Variants in TTC28 observed in about 807,000 individuals in gnomAD.
TTC28 encodes the protein tetratricopeptide repeat domain 28.
Under a neutral mutation model 198.0 loss-of-function variants are expected in TTC28, and 61 were observed. The ratio of observed to expected loss-of-function variants is 0.31; its 90% CI spans 0.25 to 0.38. TTC28 has a LOEUF of 0.38. TTC28 is among the 10% of genes least tolerant of loss of function. The pLI is 1.00. For synonymous variants in TTC28, 1,171 were observed against 1,297.8 expected (o/e 0.90, Z 2.10); for missense variants, 2,678 against 3,164.0 (o/e 0.85, Z 3.69).
chr22:28,559,259 A>G (rs1352164077), intron 2 of TTC28, among the ~76,000 whole-genome samples: 1 of 152,192 alleles, frequency 6.6e-6, no homozygotes, highest in African/African-American at 2.4e-5. Flanking sequence ...GTCAGTTAAA[A>G]TGTCATTAGT....
intron 2 of TTC28, among the ~76,000 whole-genome samples, chr22:28,565,886 A>C (rs1202990212): frequency 1.3e-5 from 2 of 152,196 alleles, no homozygotes; most frequent in African/African-American, 4.8e-5. Context: ...CTATGAAATA[A>C]AGGACCTTCC....
At chr22:28,399,314 A>G (rs1277371329) in intron 2 of TTC28, among the ~76,000 whole-genome samples, 1 of 123,118 alleles carries the variant, frequency 8.1e-6, no homozygotes, top group Admixed American at 8.6e-5. Flanking sequence ...TGAGACTAAA[A>G]CTGTTTTTTT....
chr22:28,478,310 C>A lies in TTC28; in HGVS notation c.381+151242G>T, dbSNP rs1191740082. ...ATCACCTGAGGTCAGGTGATCAAGA[C>A]CAGCCTGGCCAACACGGCGAAACCC... On this transcript the variant is annotated intron_variant, in intron 2 of 22. Transcript: ENST00000397906. 3.3e-5 allele frequency among the ~76,000 whole-genome samples: 5 copies of A among 152,216 alleles called. No homozygotes were observed. The East Asian group carries it at 9.7e-4, about 29-fold the overall frequency.
chr22:28,310,699 T>C (rs2045240642), intron 2 of TTC28, among the ~76,000 whole-genome samples: 1 of 152,198 alleles, frequency 6.6e-6, no homozygotes, highest in African/African-American at 2.4e-5. Flanking sequence ...TACTCATATG[T>C]ACAATGCATA....
intron 12 of TTC28, among the ~76,000 whole-genome samples, chr22:28,041,768 A>T (rs1369014156): frequency 6.6e-6 from 1 of 152,330 alleles, no homozygotes; most frequent in Middle Eastern, 3.4e-3. Flanking sequence ...CTGCACAGCA[A>T]AAGAAACTAT....
At chr22:28,462,591 A>C (rs1031589851) in intron 2 of TTC28, among the ~76,000 whole-genome samples, 2 of 152,174 alleles carry the variant, frequency 1.3e-5, no homozygotes, top group African/African-American at 4.8e-5. Context: ...AATGACAACA[A>C]CTGCAACCTA....
intron 2 of TTC28, among the ~76,000 whole-genome samples, chr22:28,565,010 T>C (rs562621255): frequency 5.3e-5 from 8 of 151,568 alleles, no homozygotes; most frequent in African/African-American, 1.2e-4. Context: ...GGAAGGGAAG[T>C]TGACCAATAG....
chr22:28,167,855 C>A (rs1212037047), intron 5 of TTC28, among the ~76,000 whole-genome samples: 3 of 152,122 alleles, frequency 2.0e-5, no homozygotes, highest in African/African-American at 7.2e-5. Context: ...AAAGGGTATT[C>A]AATTAGGAAA....
intron 2 of TTC28, among the ~76,000 whole-genome samples, chr22:28,562,529 C>T (rs560059494): frequency 6.6e-6 from 1 of 152,126 alleles, no homozygotes; most frequent in African/African-American, 2.4e-5. Context: ...AGAAGTGAAA[C>T]TAACACACAA....
intron 5 of TTC28, among the ~76,000 whole-genome samples, chr22:28,176,252 C>T (rs1168310466): frequency 6.6e-6 from 1 of 152,208 alleles, no homozygotes; most frequent in Non-Finnish European, 1.5e-5. Flanking sequence ...AAAATCCTGT[C>T]ATTTGTGACA....
At chr22:28,341,689 T>C (rs1413578856) in intron 2 of TTC28, among the ~76,000 whole-genome samples, 4 of 151,078 alleles carry the variant, frequency 2.6e-5, no homozygotes, top group Admixed American at 6.6e-5. Flanking sequence ...ACTCGGGAGG[T>C]TGAGGCAGGA....
In TTC28 at chr22:28,428,863, A is replaced by G. The variant is rs1019314751; in HGVS notation, c.382-122220T>C. On this transcript the variant is annotated intron_variant, in intron 2 of 22. Transcript: ENST00000397906. ...CACCATGATAGCCAGGATGGTCTCGATCTCCTGACCTCGTGATCTGCCCGC... is the reference window on the plus strand; with the variant it reads ...CACCATGATAGCCAGGATGGTCTCGGTCTCCTGACCTCGTGATCTGCCCGC... 2.8e-4 allele frequency among the ~76,000 whole-genome samples: 42 copies of G among 151,968 alleles called. 2 individuals are homozygous for G. The highest frequency in any genetic ancestry group is 9.6e-4 in the African/African-American group (40 of 41,478).
At chr22:28,090,177 A>G (rs958638101) in intron 12 of TTC28, among the ~76,000 whole-genome samples, 1 of 152,122 alleles carries the variant, frequency 6.6e-6, no homozygotes, top group Non-Finnish European at 1.5e-5. Context: ...AAGGAAAAGT[A>G]AAAAGAATAA....
chr22:28,300,891 C>CTTT (rs2045007787), intron 3 of TTC28, among the ~76,000 whole-genome samples: 1 of 152,128 alleles, frequency 6.6e-6, no homozygotes, highest in Admixed American at 6.6e-5. Context: ...AAACACTGAG[C>CTTT]TAAATACATA....
chr22:28,547,192 G>A (rs558060402), intron 2 of TTC28, among the ~76,000 whole-genome samples: 1 of 151,626 alleles, frequency 6.6e-6, no homozygotes, highest in South Asian at 2.1e-4. Flanking sequence ...AGATCTCTCT[G>A]CATGTGTGTA....
intron 13 of TTC28, among the ~76,000 whole-genome samples, chr22:28,018,260 T>C (rs1329985593): frequency 1.6e-5 from 2 of 122,364 alleles, no homozygotes; most frequent in South Asian, 3.3e-4. Context: ...TGTGTGTGTG[T>C]GTGTGTGTGT....
At chr22:28,496,268 T>C (rs1489183553) in intron 2 of TTC28, among the ~76,000 whole-genome samples, 1 of 152,176 alleles carries the variant, frequency 6.6e-6, no homozygotes, top group East Asian at 1.9e-4. Flanking sequence ...TCTGGCACTG[T>C]CATCTCCCTG....
chr22:28,437,472 C>T (rs536851439), intron 2 of TTC28, among the ~76,000 whole-genome samples: 4 of 152,272 alleles, frequency 2.6e-5, no homozygotes, highest in Admixed American at 6.5e-5. Flanking sequence ...TCCCCTCTCA[C>T]CCCAGCCCAG....
intron 2 of TTC28, among the ~76,000 whole-genome samples, chr22:28,327,242 T>C (rs191471349): frequency 3.3e-5 from 5 of 152,288 alleles, no homozygotes; most frequent in Non-Finnish European, 5.9e-5. Context: ...TCTGTATCCG[T>C]ACATTCACCT....
Sources: allele counts gnomAD v4.1 joint callset (sites outside exome capture counted in the v4.1 genomes callset), GRCh38; gene constraint gnomAD v4.1.1; transcripts MANE v1.5; gene names NCBI Gene and HGNC (gene_info 2026-07-23, HGNC 2026-07-21).